ZNF24: variants seen among roughly 807,000 people sequenced by gnomAD.
The protein encoded by ZNF24 is retinoic acid suppression protein A.
ZNF24 carries 11 observed loss-of-function variants against 40.9 expected under a neutral mutation model. The observed-to-expected ratio is 0.27, with a 90% CI of 0.17 to 0.45. The LOEUF is 0.45. Ranked by LOEUF, ZNF24 falls within the 20% of genes least tolerant of loss-of-function variation. ZNF24 has a pLI of 1.00. For synonymous variants in ZNF24, 139 were observed against 154.7 expected (o/e 0.90, Z 0.75); for missense variants, 293 against 437.7 (o/e 0.67, Z 2.95).
intron 1 of ZNF24, chr18:35,342,379 C>T (rs565542000): frequency 1.3e-5 from 2 of 152,128 alleles, no homozygotes; most frequent in East Asian, 3.9e-4. Flanking sequence ...AAAATGTTTT[C>T]TTAATAAATT....
chr18:35,339,403 A>G (rs1365067280), intron 3 of ZNF24, among the ~76,000 whole-genome samples: 1 of 152,232 alleles, frequency 6.6e-6, no homozygotes, highest in East Asian at 1.9e-4. Context: ...ATCAGAAATA[A>G]ATATTTAGAA....
At chr18:35,338,952 G>C in intron 3 of ZNF24, 1 of 1,490,162 alleles carries the variant, frequency 6.7e-7, no homozygotes, top group Non-Finnish European at 8.9e-7. Context: ...ATTTTCAGCA[G>C]ACTTCAGCCC....
In ZNF24 at chr18:35,336,025, A is replaced by C. The variant is rs1388189250; in HGVS notation, c.*1207T>G. ...CTCCAAATACAACACCCTGGTAAAA[A>C]AAACTACAGTTCTGGGAACCTCACA... On this transcript the variant is annotated 3_prime_UTR_variant, in exon 4 of 4. Coordinates refer to ENST00000261332, the MANE Select transcript of ZNF24 (RefSeq NM_006965.4). 1 of 152,488 alleles carries C rather than the reference A, an allele frequency of 6.6e-6. No homozygotes were observed. Among genetic ancestry groups the C allele is most frequent in the Non-Finnish European group, 1.5e-5 (1 of 68,052 alleles). The allele number at this position is 152,488 out of a possible 1,614,324, so 9.4% of individuals were successfully genotyped here.
At chr18:35,337,911 A>G in intron 3 of ZNF24, 141 bp from the exon 4 acceptor site, 1 of 656,930 alleles carries the variant, frequency 1.5e-6, no homozygotes, top group African/African-American at 1.8e-5. Flanking sequence ...GCCTATTCTC[A>G]AAAAAGAAAA....
chr18:35,339,660 G>A (rs576216482), intron 3 of ZNF24, among the ~76,000 whole-genome samples, 169 bp downstream of exon 3: 2 of 152,302 alleles, frequency 1.3e-5, no homozygotes, highest in East Asian at 3.9e-4. Flanking sequence ...AGATGTTAAT[G>A]TCTAGGAATA....
intron 3 of ZNF24, 25 bp downstream of exon 3, chr18:35,339,804 G>C: frequency 6.3e-7 from 1 of 1,576,668 alleles, no homozygotes; most frequent in South Asian, 1.1e-5. Context: ...TCACCCTCTA[G>C]CCCACACAGA....
rs1462187574 is a variant in ZNF24 at position 35,335,030 on chromosome 18, C to T, written c.*2202G>A. On this transcript the variant is annotated 3_prime_UTR_variant, in exon 4 of 4. Transcript: ENST00000261332. ...ATCTTTGGCATTTATGACAAATCTA[C>T]CACAGGGAAGCTTCCTTGTATATAG... is the stretch of plus-strand genomic sequence containing the variant. 1 of 152,188 alleles carries T rather than the reference C, an allele frequency of 6.6e-6. No individual in the cohort carries two copies. The highest frequency in any genetic ancestry group is 2.4e-5 in the African/African-American group (1 of 41,438). The allele number at this position is 152,188 out of a possible 1,614,324, so 9.4% of individuals were successfully genotyped here.
chr18:35,340,534 A>G lies in ZNF24; in HGVS notation c.117T>C (p.Ser39=). Residue 39 remains serine, a synonymous_variant, in exon 2 of 4, where the codon AGT becomes AGC. Transcript: ENST00000261332. The surrounding 1 kb of genome is among the most constrained non-coding windows in gnomAD (Gnocchi z 4.6). ...EEDPDGEEGS[S]IPWNHLPDPE... Reference sequence around the variant, plus strand: ...GGTCTGGGAGATGGTTCCAGGGGATACTTGATCCCTCTTCGCCATCAGGAT... The same window carrying G: ...GGTCTGGGAGATGGTTCCAGGGGATGCTTGATCCCTCTTCGCCATCAGGAT... 3 of 1,614,220 alleles carry G rather than the reference A, an allele frequency of 1.9e-6. No individual in the cohort carries two copies. The highest frequency in any genetic ancestry group is 2.5e-6 in the Non-Finnish European group (3 of 1,180,042).
In ZNF24 at chr18:35,333,223, A is replaced by G. The variant is rs1050701426; in HGVS notation, c.*4009T>C. 6.6e-6 allele frequency: 1 copy of G among 152,264 alleles called. No homozygotes were observed. The highest frequency in any genetic ancestry group is 3.2e-3 in the Middle Eastern group (1 of 316). 9.4% of individuals were successfully genotyped at this position (152,264 alleles called of 1,614,324 possible). A position where few individuals can be genotyped will look rare whatever the true frequency, so the allele number is the denominator to read the frequency against. ...TAAGGGAATAAATAATGGCATTTTC[A>G]TAGTATTTAATCATATTCAACCATT... On this transcript the variant is annotated 3_prime_UTR_variant, in exon 4 of 4. Transcript: ENST00000261332.
At chr18:35,344,173 C>G (rs1476561511) in intron 1 of ZNF24, among the ~76,000 whole-genome samples, 187 bp downstream of exon 1, 1 of 152,164 alleles carries the variant, frequency 6.6e-6, no homozygotes, top group Admixed American at 6.5e-5. Flanking sequence ...ATGCCGAAGA[C>G]CCAAGCAGGC....
In ZNF24 at chr18:35,333,509, G is replaced by T. The variant is rs1400275295; in HGVS notation, c.*3723C>A. 6.6e-6 allele frequency: 1 copy of T among 151,964 alleles called. No individual in the cohort carries two copies. Among genetic ancestry groups the T allele is most frequent in the Admixed American group, 6.5e-5 (1 of 15,268 alleles). The allele number at this position is 151,964 out of a possible 1,614,324, so 9.4% of individuals were successfully genotyped here. On this transcript the variant is annotated 3_prime_UTR_variant, in exon 4 of 4. Transcript: ENST00000261332. ...CTTTCATAATTAAAAAAAGGAAAATGGGCAAAAGCAATTCATAATAGGAAA... is the reference window on the plus strand; with the variant it reads ...CTTTCATAATTAAAAAAAGGAAAATTGGCAAAAGCAATTCATAATAGGAAA...
In ZNF24 at chr18:35,334,394, G is replaced by A. The variant is rs1459903522; in HGVS notation, c.*2838C>T. 6.6e-6 allele frequency: 1 copy of A among 152,178 alleles called. No homozygotes were observed. The highest frequency in any genetic ancestry group is 2.4e-5 in the African/African-American group (1 of 41,442). 9.4% of individuals were successfully genotyped at this position (152,178 alleles called of 1,614,324 possible). On this transcript the variant is annotated 3_prime_UTR_variant, in exon 4 of 4. Transcript: ENST00000261332. ...TTTCCTAGTCCACAAATCTAAGTGAGATAGGTACGGTGTCTAAGCCAATGC... is the reference window on the plus strand; with the variant it reads ...TTTCCTAGTCCACAAATCTAAGTGAAATAGGTACGGTGTCTAAGCCAATGC...
At position 35,339,826 on chromosome 18, in the gene ZNF24, C is replaced by T. The variant is rs1485538080; in HGVS notation, c.568+3G>A. On this transcript the variant is annotated splice_donor_region_variant and intron_variant, in intron 3 of 3. Coordinates refer to ENST00000261332, the MANE Select transcript of ZNF24 (RefSeq NM_006965.4). Reference sequence around the variant, plus strand: ...CTAGCCCACACAGAGTTCTGGTCCTCACCACAGTGCCTTAGGGAATGGAGC... The same window carrying T: ...CTAGCCCACACAGAGTTCTGGTCCTTACCACAGTGCCTTAGGGAATGGAGC... 3 of 1,596,424 alleles carry T rather than the reference C, an allele frequency of 1.9e-6. No homozygotes were observed. The highest frequency in any genetic ancestry group is 2.6e-6 in the Non-Finnish European group (3 of 1,166,784).
chr18:35,342,938 C>G (rs2044983107), intron 1 of ZNF24, among the ~76,000 whole-genome samples: 1 of 152,190 alleles, frequency 6.6e-6, no homozygotes. Context: ...TACTTCAGTG[C>G]TTTCTAAATG....
rs1185685677 is a variant in ZNF24, at chr18:35,336,492, T to C, written c.*740A>G. 2 of 152,234 alleles carry C rather than the reference T, an allele frequency of 1.3e-5. No individual in the cohort carries two copies. Among genetic ancestry groups the C allele is most frequent in the African/African-American group, 4.8e-5 (2 of 41,464 alleles). The allele number at this position is 152,234 out of a possible 1,614,324, so 9.4% of individuals were successfully genotyped here. ...TGTTTATTATTTAGACTGTATGCTT[T>C]TTAATAATATATGGGAAAACATTAT... On this transcript the variant is annotated 3_prime_UTR_variant, in exon 4 of 4. Transcript: ENST00000261332.
chr18:35,340,396 C>A lies in ZNF24; in HGVS notation c.255G>T (p.Thr85=). The A allele has an allele frequency of 1.2e-6, 2 of 1,614,204 alleles. No individual in the cohort carries two copies. Among genetic ancestry groups the A allele is most frequent in the Non-Finnish European group, 1.7e-6 (2 of 1,180,028 alleles). The change falls in exon 2 of 4, where the codon ACG becomes ACT. Residue 85 remains threonine, a synonymous_variant. Coordinates refer to ENST00000261332, the MANE Select transcript of ZNF24 (RefSeq NM_006965.4). The surrounding 1 kb of genome is among the most constrained non-coding windows in gnomAD (Gnocchi z 4.6). ...GCTCCAAGATTTGTTCTTTTGTGTG[C>A]GTCTCTGGCCTGAGCCACAGACGGC... The part of the protein sequence containing the change: ...ELCRLWLRPE[T]HTKEQILELV...
In ZNF24 at chr18:35,333,854, T is replaced by C. The variant is rs2044879693; in HGVS notation, c.*3378A>G. The C allele has an allele frequency of 6.6e-6, 1 of 152,126 alleles. No homozygotes were observed. The highest frequency in any genetic ancestry group is 2.4e-5 in the African/African-American group (1 of 41,424). The allele number at this position is 152,126 out of a possible 1,614,324, so 9.4% of individuals were successfully genotyped here. ...TATAATGAACCTAATTATCAATCCA[T>C]AGGGGATTAAATAAATTACAGAATA... On this transcript the variant is annotated 3_prime_UTR_variant, in exon 4 of 4. Transcript: ENST00000261332.
chr18:35,344,228 C>G lies in ZNF24; in HGVS notation c.-84+132G>C, dbSNP rs1057188231. ...GCCCCACAACTGCTAGGCGCGGAGA[C>G]CGCGGCCTGTTCCCCGCGCCTCCCG... On this transcript the variant is annotated intron_variant, in intron 1 of 3. Transcript: ENST00000261332. 2.7e-4 allele frequency: 41 copies of G among 152,524 alleles called. 1 individual carries two copies. The highest frequency in any genetic ancestry group is 1.6e-3 in the Admixed American group (25 of 15,290). The allele number at this position is 152,524 out of a possible 1,614,324, so 9.4% of individuals were successfully genotyped here.
Position 35,340,845 on chromosome 18 carries a change from A to C in ZNF24, c.-83-112T>G. The C allele has an allele frequency of 1.7e-6, 1 of 577,132 alleles. No individual in the cohort carries two copies. 35.8% of individuals were successfully genotyped at this position (577,132 alleles called of 1,614,324 possible). On this transcript the variant is annotated intron_variant, in intron 1 of 3. Transcript: ENST00000261332. The surrounding 1 kb of genome is among the most constrained non-coding windows in gnomAD (Gnocchi z 4.6). ...TTCTTTGAGTTAAAAATTCCAATCA[A>C]TAACCTACACCAGGAATTGGCAAAC...
Sources: gnomAD v4.1 joint callset for allele counts (sites outside exome capture counted in the v4.1 genomes callset) on GRCh38, gnomAD v4.1.1 for gene constraint, Gnocchi (gnomAD v3.1) non-coding constraint, MANE v1.5 for transcripts, NCBI Gene and HGNC (gene_info 2026-07-23, HGNC 2026-07-21) for gene names.